The following SDCBP variants were observed in gnomAD, a reference collection of about 807,000 sequenced individuals.
SDCBP encodes syndecan binding protein.
Under a neutral mutation model 30.5 loss-of-function variants are expected in SDCBP, and 22 were observed. The observed-to-expected ratio is 0.72, with a 90% confidence interval of 0.52 to 1.03. The LOEUF is 1.03. SDCBP is among the 50% of genes least tolerant of loss of function. SDCBP has a pLI of 0.00. For synonymous variants in SDCBP, 103 were observed against 118.7 expected, an observed-to-expected ratio of 0.87 and a Z score of 0.86; for missense variants, 304 against 369.9, an observed-to-expected ratio of 0.82 and a Z score of 1.46.
At position 58,578,064 on chromosome 8, in the gene SDCBP, C is replaced by A; in HGVS notation, c.434C>A (p.Ser145Tyr). The change falls in exon 6 of 9, where the codon TCT (serine) becomes TAT (tyrosine). Residue 145 changes from serine to tyrosine, a missense_variant. Coordinates refer to ENST00000260130, the MANE Select transcript of SDCBP (RefSeq NM_005625.4). The part of the protein sequence containing the change: ...GIFVQLVQAN[S>Y]PASLVGLRFG... Reference sequence around the variant, plus strand: ...TTTGTTCAGCTAGTCCAGGCTAATTCTCCAGCCTCATTGGTTGGTCTGAGA... The same window carrying A: ...TTTGTTCAGCTAGTCCAGGCTAATTATCCAGCCTCATTGGTTGGTCTGAGA... 1 of 1,613,630 alleles carries A rather than the reference C, an allele frequency of 6.2e-7. No individual in the cohort carries two copies. Among genetic ancestry groups the A allele is most frequent in the South Asian group, 1.1e-5 (1 of 91,056 alleles).
intron 4 of SDCBP, among the ~76,000 whole-genome samples, chr8:58,574,756 A>G (rs751543313): frequency 2.0e-5 from 3 of 152,322 alleles, no homozygotes; most frequent in African/African-American, 4.8e-5. Context: ...GTATATATCA[A>G]TACAACTTGA....
Position 58,564,968 on chromosome 8 carries a change from T to A in SDCBP, c.-15-51T>A, listed in dbSNP as rs183422041. On this transcript the variant is annotated intron_variant, in intron 1 of 8. Transcript: ENST00000260130. ...TGTGTCTGTGGTTAGCTGTGTATAC[T>A]ATTTCAATTTCTATGACATTAGAGT... 9.6e-3 allele frequency: 9,454 copies of A among 988,392 alleles called. 73 individuals carry two copies. The highest frequency in any genetic ancestry group is 0.011 in the Non-Finnish European group (6,997 of 635,794). 61.2% of individuals were successfully genotyped at this position (988,392 alleles called of 1,614,324 possible). A position where few individuals can be genotyped will look rare whatever the true frequency, so the allele number is the denominator to read the frequency against.
intron 1 of SDCBP, among the ~76,000 whole-genome samples, chr8:58,558,866 G>A (rs1337067032): frequency 6.6e-6 from 1 of 152,184 alleles, no homozygotes; most frequent in Non-Finnish European, 1.5e-5. Flanking sequence ...ATGCAGGCAT[G>A]GAAGCATGTG....
intron 1 of SDCBP, among the ~76,000 whole-genome samples, chr8:58,564,115 A>G (rs1336079153): frequency 6.6e-6 from 1 of 152,220 alleles, no homozygotes; most frequent in Non-Finnish European, 1.5e-5. Flanking sequence ...GACAAGGCTT[A>G]ACATCATGCC....
chr8:58,576,095 A>G lies in SDCBP; in HGVS notation c.402+34A>G, dbSNP rs113598634. The G allele has an allele frequency of 2.6e-5, 39 of 1,473,554 alleles. 2 individuals carry two copies. The highest frequency in any genetic ancestry group is 2.5e-4 in the African/African-American group (18 of 72,148). The allele number at this position is 1,473,554 out of a possible 1,614,324, so 91.3% of individuals were successfully genotyped here. A position where few individuals can be genotyped will look rare whatever the true frequency, so the allele number is the denominator to read the frequency against. ...TTTAAATACCTATTTGAATTTGTCT[A>G]AATCTCTTACATAATAAGTGATTAA... On this transcript the variant is annotated intron_variant, in intron 5 of 8. Transcript: ENST00000260130.
At chr8:58,568,837 G>A (rs115754303) in intron 2 of SDCBP, among the ~76,000 whole-genome samples, 1 of 152,152 alleles carries the variant, frequency 6.6e-6, no homozygotes. Context: ...TTTAATGCCT[G>A]TTCTTCCTTC....
chr8:58,560,026 T>C (rs1478189385), intron 1 of SDCBP, among the ~76,000 whole-genome samples: 1 of 152,196 alleles, frequency 6.6e-6, no homozygotes, highest in Admixed American at 6.5e-5. Context: ...TGCTTGAATA[T>C]AAGTTCTGAC....
At position 58,582,458 on chromosome 8, in the gene SDCBP, T is replaced by TA. The variant is rs1313301831; in HGVS notation, c.*719dup. The TA allele has an allele frequency of 6.6e-6, 1 of 152,652 alleles. No homozygotes were observed. Among genetic ancestry groups the TA allele is most frequent in the Non-Finnish European group, 1.5e-5 (1 of 68,060 alleles). 9.5% of individuals were successfully genotyped at this position (152,652 alleles called of 1,614,324 possible). On this transcript the variant is annotated 3_prime_UTR_variant, in exon 9 of 9. Transcript: ENST00000260130. ...TAGCCCAGAACAGTTTAATGGTACTTACTGAGCTATAGCATAGCTGCTTAG... is the reference window on the plus strand; with the variant it reads ...TAGCCCAGAACAGTTTAATGGTACTTAACTGAGCTATAGCATAGCTGCTTAG...
intron 1 of SDCBP, among the ~76,000 whole-genome samples, chr8:58,557,931 T>TGAGGTAAAATG (rs1804237835): frequency 6.6e-6 from 1 of 152,208 alleles, no homozygotes; most frequent in Non-Finnish European, 1.5e-5. Context: ...ACTGATGTAA[T>TGAGGTAAAATG]AGTTACTTTC....
At chr8:58,554,217 C>T (rs928096516) in intron 1 of SDCBP, among the ~76,000 whole-genome samples, 2 of 152,206 alleles carry the variant, frequency 1.3e-5, no homozygotes, top group Non-Finnish European at 2.9e-5. Context: ...AAACTCTTAA[C>T]ATCCGCTTGT....
chr8:58,575,962 T>G lies in SDCBP; in HGVS notation c.303T>G (p.Val101=), dbSNP rs61732486. 77 of 1,613,640 alleles carry G rather than the reference T, an allele frequency of 4.8e-5. 1 individual carries two copies. The African/African-American group carries it at 8.5e-4, about 18-fold the overall frequency. ...TGGCTCCTGTAACTGGTAATGATGT[T>G]GGAATTCGTAGAGCAGAAATTAAGC... ...YMVAPVTGND[V]GIRRAEIKQG... The change falls in exon 5 of 9, where the codon GTT becomes GTG. Residue 101 remains valine (V), a synonymous_variant. Coordinates refer to ENST00000260130, the MANE Select transcript of SDCBP (RefSeq NM_005625.4).
At chr8:58,554,400 T>G (rs969440607) in intron 1 of SDCBP, among the ~76,000 whole-genome samples, 2 of 152,230 alleles carry the variant, frequency 1.3e-5, no homozygotes, top group Middle Eastern at 3.2e-3. Context: ...TACGTCCTTT[T>G]GTCTTCTGTG....
rs1805724506 is a variant in SDCBP at position 58,582,159 on chromosome 8, A to C, written c.*419A>C. 1.3e-5 allele frequency: 2 copies of C among 157,830 alleles called. No individual in the cohort carries two copies. The highest frequency in any genetic ancestry group is 4.8e-5 in the African/African-American group (2 of 41,494). The allele number at this position is 157,830 out of a possible 1,614,324, so 9.8% of individuals were successfully genotyped here. ...CATCTTTAACATGCTATCATAGTAC[A>C]TTTAGAATGATTGCCTTTGATTTTT... On this transcript the variant is annotated 3_prime_UTR_variant, in exon 9 of 9. Transcript: ENST00000260130.
intron 1 of SDCBP, among the ~76,000 whole-genome samples, chr8:58,554,081 A>C (rs1803969170): frequency 6.6e-6 from 1 of 152,212 alleles, no homozygotes; most frequent in African/African-American, 2.4e-5. Flanking sequence ...TTATTGAGTC[A>C]TGGAGTCTTC....
At chr8:58,575,000 T>C (rs900375909) in intron 4 of SDCBP, among the ~76,000 whole-genome samples, 3 of 152,214 alleles carry the variant, frequency 2.0e-5, no homozygotes, top group African/African-American at 7.2e-5. Flanking sequence ...TTGTACACTT[T>C]GACCAACATT....
chr8:58,555,717 TG>T (rs1804062343), intron 1 of SDCBP, among the ~76,000 whole-genome samples: 1 of 151,984 alleles, frequency 6.6e-6, no homozygotes, highest in Non-Finnish European at 1.5e-5. Flanking sequence ...GCTTACTATC[TG>T]GGTCCAATGG....
chr8:58,564,144 G>A (rs1187871289), intron 1 of SDCBP, among the ~76,000 whole-genome samples: 2 of 152,154 alleles, frequency 1.3e-5, no homozygotes, highest in Non-Finnish European at 2.9e-5. Flanking sequence ...ACAGAGCAAT[G>A]TTGAAAGAGC....
chr8:58,555,806 G>A (rs979778502), intron 1 of SDCBP, among the ~76,000 whole-genome samples: 5 of 151,618 alleles, frequency 3.3e-5, no homozygotes, highest in Admixed American at 2.0e-4. Context: ...GAACTCCTGG[G>A]CTGAAGCAGT....
intron 4 of SDCBP, 113 bp downstream of exon 4, chr8:58,572,427 T>A: frequency 1.5e-6 from 1 of 648,794 alleles, no homozygotes. Flanking sequence ...GAACCTCACT[T>A]CTCAGAAATT....
Sources: allele counts gnomAD v4.1 joint callset (sites outside exome capture counted in the v4.1 genomes callset), GRCh38; gene constraint gnomAD v4.1.1; transcripts MANE v1.5; gene names NCBI Gene and HGNC (gene_info 2026-07-23, HGNC 2026-07-21).